UNC5C: variants seen among roughly 807,000 people sequenced by gnomAD.
The protein encoded by UNC5C is unc-5 netrin receptor C, also known as netrin receptor UNC5C.
A neutral mutation model predicts 99.8 loss-of-function variants in UNC5C; 47 were observed. The ratio of observed to expected loss-of-function variants is 0.47; its 90% CI spans 0.37 to 0.60. The LOEUF is 0.60. UNC5C is among the 20% of genes least tolerant of loss of function. The probability of loss-of-function intolerance (pLI) is 0.00; values close to 1 mark genes in which losing one functional copy is unlikely to be tolerated. For synonymous variants in UNC5C, 487 were observed against 452.2 expected (o/e 1.08, Z -0.98); for missense variants, 1,062 against 1,165.9 (o/e 0.91, Z 1.30).
At chr4:95,307,099 G>T (rs566183251) in intron 2 of UNC5C, among the ~76,000 whole-genome samples, 1 of 151,862 alleles carries the variant, frequency 6.6e-6, no homozygotes. Context: ...TATAACTCTC[G>T]TTAAAGTAAT....
chr4:95,533,193 C>T (rs948979378), intron 1 of UNC5C, among the ~76,000 whole-genome samples: 3 of 151,974 alleles, frequency 2.0e-5, no homozygotes, highest in Admixed American at 6.6e-5. Flanking sequence ...ATCAGCAGTT[C>T]GAGACCAGCC....
At chr4:95,456,261 C>A (rs946125168) in intron 1 of UNC5C, among the ~76,000 whole-genome samples, 17 of 151,950 alleles carry the variant, frequency 1.1e-4, no homozygotes, top group Admixed American at 7.2e-4. Flanking sequence ...AATAAAATTA[C>A]AGTATAAGTT....
At chr4:95,252,051 GT>G (rs1739765749) in intron 4 of UNC5C, among the ~76,000 whole-genome samples, 1 of 152,108 alleles carries the variant, frequency 6.6e-6, no homozygotes, top group Non-Finnish European at 1.5e-5. Context: ...TTTTAAATAT[GT>G]ATTTTGTTTC....
chr4:95,239,744 C>G (rs1167127120), intron 7 of UNC5C, among the ~76,000 whole-genome samples: 1 of 152,096 alleles, frequency 6.6e-6, no homozygotes, highest in Non-Finnish European at 1.5e-5. Flanking sequence ...TATTTTCAGT[C>G]AAAGGTGTTT....
chr4:95,463,888 T>A (rs1347157355), intron 1 of UNC5C, among the ~76,000 whole-genome samples: 4 of 152,194 alleles, frequency 2.6e-5, no homozygotes, highest in African/African-American at 9.7e-5. Context: ...CAAAGAGGTT[T>A]CTGTCCTTAG....
At chr4:95,201,247 G>T (rs1321040457) in intron 12 of UNC5C, among the ~76,000 whole-genome samples, 1 of 152,126 alleles carries the variant, frequency 6.6e-6, no homozygotes, top group Non-Finnish European at 1.5e-5. Flanking sequence ...CCCTGAGTTT[G>T]CTTCTATGAC....
In UNC5C at chr4:95,431,216, C is replaced by T. The variant is rs149408363; in HGVS notation, c.125-95585G>A. On this transcript the variant is annotated intron_variant, in intron 1 of 15. Coordinates refer to ENST00000453304, the MANE Select transcript of UNC5C (RefSeq NM_003728.4). ...TTAGGTTCCCTTCCTGTGCAGTTTC[C>T]TAGCACCCCTTATGCTCACCCCCAT... Among the ~76,000 whole-genome samples the T allele has an allele frequency of 6.5e-3, 995 of 152,106 alleles. 6 individuals are homozygous for T. Among genetic ancestry groups the T allele is most frequent in the Non-Finnish European group, 9.2e-3 (627 of 67,968 alleles).
chr4:95,220,718 CA>C (rs1297653471), intron 7 of UNC5C, among the ~76,000 whole-genome samples: 2 of 152,214 alleles, frequency 1.3e-5, no homozygotes, highest in East Asian at 3.9e-4. Flanking sequence ...TGTAACTAAG[CA>C]AAGCAAATAC....
Position 95,165,369 on chromosome 4 carries a change from A to G in UNC5C, c.*3865T>C, listed in dbSNP as rs1314642320. ...TGAACACCTCACCCAAAAGTTGTCC[A>G]GTTCTTGAAGAGCCTAACTTGCTCA... On this transcript the variant is annotated 3_prime_UTR_variant, in exon 16 of 16. Transcript: ENST00000453304. 4 of 152,224 alleles carry G rather than the reference A, an allele frequency of 2.6e-5. No homozygotes were observed. Among genetic ancestry groups the G allele is most frequent in the African/African-American group, 9.6e-5 (4 of 41,466 alleles). 9.4% of individuals were successfully genotyped at this position (152,224 alleles called of 1,614,324 possible). A position where few individuals can be genotyped will look rare whatever the true frequency, so the allele number is the denominator to read the frequency against.
At chr4:95,455,270 T>A (rs1167083959) in intron 1 of UNC5C, among the ~76,000 whole-genome samples, 1 of 152,084 alleles carries the variant, frequency 6.6e-6, no homozygotes, top group Non-Finnish European at 1.5e-5. Context: ...ATTGGCAAAG[T>A]GATGTCTAAG....
At chr4:95,175,023 T>C (rs1736278751) in intron 14 of UNC5C, among the ~76,000 whole-genome samples, 1 of 152,086 alleles carries the variant, frequency 6.6e-6, no homozygotes, top group South Asian at 2.1e-4. Flanking sequence ...TTTTTGATCT[T>C]TGTTGGTTTA....
intron 1 of UNC5C, among the ~76,000 whole-genome samples, chr4:95,424,780 C>A (rs1265317318): frequency 6.6e-6 from 1 of 151,818 alleles, no homozygotes; most frequent in Non-Finnish European, 1.5e-5. Context: ...TCCTTGGCCT[C>A]CCAAAGTGCT....
At chr4:95,407,199 C>G (rs549003900) in intron 1 of UNC5C, among the ~76,000 whole-genome samples, 1 of 152,064 alleles carries the variant, frequency 6.6e-6, no homozygotes, top group Non-Finnish European at 1.5e-5. Context: ...AAGCTCTTAT[C>G]TAGAATTTTA....
At chr4:95,506,191 T>C (rs1721916502) in intron 1 of UNC5C, among the ~76,000 whole-genome samples, 1 of 152,096 alleles carries the variant, frequency 6.6e-6, no homozygotes, top group African/African-American at 2.4e-5. Flanking sequence ...CAAGATTCTA[T>C]ATATCATATA....
intron 10 of UNC5C, among the ~76,000 whole-genome samples, chr4:95,215,050 G>A (rs529608936): frequency 3.9e-5 from 6 of 152,200 alleles, no homozygotes; most frequent in South Asian, 2.1e-4. Context: ...TACACCACCC[G>A]AGGAAAAAAA....
intron 1 of UNC5C, among the ~76,000 whole-genome samples, chr4:95,418,721 C>T (rs997181813): frequency 6.6e-6 from 1 of 152,178 alleles, no homozygotes; most frequent in African/African-American, 2.4e-5. Flanking sequence ...CTAGCCATTA[C>T]ATAGAACATG....
intron 1 of UNC5C, among the ~76,000 whole-genome samples, chr4:95,537,289 G>A (rs956324835): frequency 1.3e-5 from 2 of 152,120 alleles, no homozygotes; most frequent in Non-Finnish European, 2.9e-5. Flanking sequence ...TTATCCACAA[G>A]CTATTGGGGT....
chr4:95,185,323 C>T, intron 12 of UNC5C, 127 bp from the exon 13 acceptor site: 1 of 1,160,186 alleles, frequency 8.6e-7, no homozygotes. Context: ...ACCTTGAACA[C>T]CCACTTTTGC....
chr4:95,368,788 C>T (rs1744656693), intron 1 of UNC5C, among the ~76,000 whole-genome samples: 1 of 152,096 alleles, frequency 6.6e-6, no homozygotes, highest in Non-Finnish European at 1.5e-5. Flanking sequence ...TTTTATTTAA[C>T]CCAAAATGTC....
Sources: allele counts gnomAD v4.1 joint callset (sites outside exome capture counted in the v4.1 genomes callset), GRCh38; gene constraint gnomAD v4.1.1; transcripts MANE v1.5; gene names NCBI Gene and HGNC (gene_info 2026-07-23, HGNC 2026-07-21).